The following WSB2 variants were observed in gnomAD, a reference collection of about 807,000 sequenced individuals.
WSB2 encodes WD repeat and SOCS box-containing protein 2.
WSB2 carries 12 observed loss-of-function variants against 48.8 expected under a neutral mutation model. The observed-to-expected ratio is 0.25, with a 90% CI of 0.16 to 0.40. The LOEUF (loss-of-function observed/expected upper bound fraction) is 0.40, where lower values mean the gene tolerates loss of function less well. WSB2 is among the 10% of genes least tolerant of loss of function. The pLI, the probability that WSB2 is intolerant of heterozygous loss-of-function variation, is 1.00. For synonymous variants in WSB2, 191 were observed against 203.1 expected, an observed-to-expected ratio of 0.94 and a Z score of 0.51; for missense variants, 317 against 506.2, an observed-to-expected ratio of 0.63 and a Z score of 3.59.
In WSB2 at chr12:118,060,843, G is replaced by C. The variant is rs909733933; in HGVS notation, c.13+193C>G. On this transcript the variant is annotated intron_variant, in intron 1 of 8. Coordinates refer to ENST00000315436, the MANE Select transcript of WSB2 (RefSeq NM_018639.5). The surrounding 1 kb of genome is among the most constrained non-coding windows in gnomAD (Gnocchi z 4.1). ...AGTCAGGGTGGCGGCCACTGACAAC[G>C]AAAGTGAAACAAAGCTGGTCGCCGG... Among the ~76,000 whole-genome samples, 1 of 151,824 alleles carries C rather than the reference G, an allele frequency of 6.6e-6. No individual in the cohort carries two copies.
chr12:118,049,590 A>G (rs1331783791), intron 2 of WSB2, among the ~76,000 whole-genome samples: 1 of 152,090 alleles, frequency 6.6e-6, no homozygotes, highest in Non-Finnish European at 1.5e-5. Flanking sequence ...TTTAATAGAG[A>G]CAGGGTTTCA....
intron 1 of WSB2, among the ~76,000 whole-genome samples, chr12:118,055,856 C>A (rs1403547271): frequency 6.6e-6 from 1 of 151,234 alleles, no homozygotes; most frequent in African/African-American, 2.4e-5. Context: ...CTGAAGCAAT[C>A]CGCCCACCTC....
At chr12:118,039,914 T>C (rs1298859639) in intron 4 of WSB2, among the ~76,000 whole-genome samples, 1 of 151,978 alleles carries the variant, frequency 6.6e-6, no homozygotes, top group East Asian at 1.9e-4. Context: ...CTGCTAATTT[T>C]TACATATTTT....
At chr12:118,047,634 G>A (rs1466349650) in intron 2 of WSB2, among the ~76,000 whole-genome samples, 2 of 152,166 alleles carry the variant, frequency 1.3e-5, no homozygotes, top group African/African-American at 4.8e-5. Flanking sequence ...GATCACTTGA[G>A]ACAAGGAGTT....
Position 118,044,725 on chromosome 12 carries a change from T to A in WSB2, c.183-1348A>T, listed in dbSNP as rs750874891. On this transcript the variant is annotated intron_variant, in intron 2 of 8. Coordinates refer to ENST00000315436, the MANE Select transcript of WSB2 (RefSeq NM_018639.5). ...GGCCACCACTGCGCCCAGGAAACAATGTCTCAAATGCACAAGCACTTGGCC... is the reference window on the plus strand; with the variant it reads ...GGCCACCACTGCGCCCAGGAAACAAAGTCTCAAATGCACAAGCACTTGGCC... Among the ~76,000 whole-genome samples the A allele has an allele frequency of 3.3e-5, 5 of 152,226 alleles. No individual in the cohort carries two copies. In the East Asian group the frequency reaches 9.7e-4, roughly 29 times the overall value.
Position 118,033,923 on chromosome 12 carries a change from G to A in WSB2, c.*273C>T, listed in dbSNP as rs2031438257. 4.6e-6 allele frequency: 2 copies of A among 434,834 alleles called. No homozygotes were observed. Among genetic ancestry groups the A allele is most frequent in the Non-Finnish European group, 8.4e-6 (2 of 237,302 alleles). The allele number at this position is 434,834 out of a possible 1,614,324, so 26.9% of individuals were successfully genotyped here. ...CTTTGAATCAAAACAAGCAGAAAGA[G>A]TTCAACACTTGCTGTTCATAACTGG... On this transcript the variant is annotated 3_prime_UTR_variant, in exon 9 of 9. Transcript: ENST00000315436.
intron 2 of WSB2, among the ~76,000 whole-genome samples, chr12:118,051,969 C>T (rs2031861317): frequency 6.6e-6 from 1 of 152,004 alleles, no homozygotes; most frequent in African/African-American, 2.4e-5. Context: ...GGGAGACTGT[C>T]TCAAAAAATA....
intron 4 of WSB2, 24 bp from the exon 5 acceptor site, chr12:118,038,412 A>C: frequency 6.2e-7 from 1 of 1,607,180 alleles, no homozygotes; most frequent in Non-Finnish European, 8.5e-7. Context: ...GAAGCAAACA[A>C]TGAGCCAGTC....
chr12:118,056,731 T>G (rs1418398850), intron 1 of WSB2, among the ~76,000 whole-genome samples: 1 of 151,886 alleles, frequency 6.6e-6, no homozygotes, highest in African/African-American at 2.4e-5. Context: ...TGAAACCCCG[T>G]CTCTACTTAA....
At position 118,050,180 on chromosome 12, in the gene WSB2, A is replaced by T. The variant is rs74815768; in HGVS notation, c.182+2130T>A. Among the ~76,000 whole-genome samples the T allele has an allele frequency of 3.0e-3, 459 of 152,008 alleles. 3 individuals are homozygous for T. Among genetic ancestry groups the T allele is most frequent in the African/African-American group, 0.011 (438 of 41,462 alleles). On this transcript the variant is annotated intron_variant, in intron 2 of 8. Transcript: ENST00000315436. ...AGCCCGGGCGACAGAGCGAGACTCC[A>T]TCTCAAAAGAAAAAAAAAGAAACTA...
chr12:118,061,767 G>A (rs1306119713), upstream of WSB2, among the ~76,000 whole-genome samples: 3 of 146,328 alleles, frequency 2.1e-5, no homozygotes. Context: ...GGGGGGAAAC[G>A]GGTAAAAATG....
chr12:118,052,650 C>G, intron 1 of WSB2, 172 bp from the exon 2 acceptor site: 1 of 939,216 alleles, frequency 1.1e-6, no homozygotes, highest in Non-Finnish European at 1.6e-6. Context: ...CATTCCACCA[C>G]GGTTACTCAA....
chr12:118,057,776 G>GT (rs71099102), intron 1 of WSB2, among the ~76,000 whole-genome samples: 47,498 of 141,390 alleles, frequency 0.34, 9,102 homozygotes, highest in East Asian at 0.46. Flanking sequence ...ATATATTTGG[G>GT]TTTTTTTTTT....
At chr12:118,038,467 AACAGCCC>A in intron 4 of WSB2, 79 bp from the exon 5 acceptor site, 1 of 1,363,848 alleles carries the variant, frequency 7.3e-7, no homozygotes, top group Non-Finnish European at 1.0e-6. Context: ...CTGGGGTGGT[AACAGCCC>A]CCAGCCCAGT....
chr12:118,050,682 TAAAA>T (rs1270038191), intron 2 of WSB2, among the ~76,000 whole-genome samples: 1 of 151,862 alleles, frequency 6.6e-6, no homozygotes. Context: ...TGGTTGATAA[TAAAA>T]AGACAAAAAC....
chr12:118,061,102 C>T lies in WSB2; in HGVS notation c.-54G>A, dbSNP rs1475932629. ...CGGCGGGCGCCTCAGCCCCCCGGGCCGCGGGCCCTCATGCCGCCCCCGCGC... is the reference window on the plus strand; with the variant it reads ...CGGCGGGCGCCTCAGCCCCCCGGGCTGCGGGCCCTCATGCCGCCCCCGCGC... On this transcript the variant is annotated 5_prime_UTR_variant, in exon 1 of 9. Transcript: ENST00000315436. The T allele has an allele frequency of 2.0e-6, 2 of 980,154 alleles. No homozygotes were observed. Among genetic ancestry groups the T allele is most frequent in the Middle Eastern group, 5.2e-4 (1 of 1,914 alleles). The allele number at this position is 980,154 out of a possible 1,614,324, so 60.7% of individuals were successfully genotyped here.
chr12:118,040,029 A>T (rs2031596505), intron 4 of WSB2, among the ~76,000 whole-genome samples: 2 of 152,000 alleles, frequency 1.3e-5, no homozygotes, highest in African/African-American at 4.8e-5. Context: ...TAATATTTTT[A>T]AAAAGTTAGT....
intron 2 of WSB2, among the ~76,000 whole-genome samples, chr12:118,050,488 A>T (rs952290451): frequency 6.6e-6 from 1 of 151,824 alleles, no homozygotes; most frequent in Non-Finnish European, 1.5e-5. Flanking sequence ...AAAAAATTTA[A>T]AAGTTGGCTG....
At position 118,034,995 on chromosome 12, in the gene WSB2, A is replaced by G; in HGVS notation, c.1043T>C (p.Ile348Thr). Residue 348 changes from isoleucine to threonine, a missense_variant, in exon 8 of 9, where the codon ATT (isoleucine) becomes ACT (threonine). This residue lies in a region of WSB2 where 189 missense variants were observed against 349.6 expected (regional missense o/e 0.54). Transcript: ENST00000315436. ...CCTFFPHGGVIATGTRDGHVQ... is the reference protein window; with the variant it reads ...CCTFFPHGGVTATGTRDGHVQ... ...GCTAACAAATACATACCCTGTGGCAATGACTCCACCATGTGGAAAAAATGT... is the reference window on the plus strand; with the variant it reads ...GCTAACAAATACATACCCTGTGGCAGTGACTCCACCATGTGGAAAAAATGT... The G allele has an allele frequency of 6.2e-7, 1 of 1,614,152 alleles. No homozygotes were observed. Among genetic ancestry groups the G allele is most frequent in the Non-Finnish European group, 8.5e-7 (1 of 1,179,990 alleles).
Sources: gnomAD v4.1 joint callset for allele counts (sites outside exome capture counted in the v4.1 genomes callset) on GRCh38, gnomAD v4.1.1 for gene constraint, gnomAD v4.1.1 regional missense constraint, Gnocchi (gnomAD v3.1) non-coding constraint, MANE v1.5 for transcripts, NCBI Gene and HGNC (gene_info 2026-07-23, HGNC 2026-07-21) for gene names.